C1GALT1: variants seen among roughly 807,000 people sequenced by gnomAD.
C1GALT1 encodes the protein glycoprotein-N-acetylgalactosamine 3-beta-galactosyltransferase 1.
A neutral mutation model predicts 31.0 loss-of-function variants in C1GALT1; 11 were observed. That is an observed-to-expected ratio of 0.36 (90% CI 0.22 to 0.59). The LOEUF is 0.59. Among genes scored for constraint, C1GALT1 ranks in the 20% least tolerant of loss-of-function variants. The pLI, the probability that C1GALT1 is intolerant of heterozygous loss-of-function variation, is 0.79. For synonymous variants in C1GALT1, 175 were observed against 143.6 expected (o/e 1.22, Z -1.56); for missense variants, 424 against 425.2 (o/e 1.00, Z 0.03).
intron 1 of C1GALT1, among the ~76,000 whole-genome samples, chr7:7,189,859 A>G (rs1366106395): frequency 6.6e-6 from 1 of 152,164 alleles, no homozygotes; most frequent in Non-Finnish European, 1.5e-5. Context: ...GTTACTAGAA[A>G]GTAAGGATCC....
intron 1 of C1GALT1, among the ~76,000 whole-genome samples, chr7:7,226,395 G>A (rs199926429): frequency 6.6e-6 from 1 of 151,792 alleles, no homozygotes; most frequent in African/African-American, 2.4e-5. Context: ...GAATTTCAGG[G>A]CTTTATTGTG....
intron 2 of C1GALT1, among the ~76,000 whole-genome samples, chr7:7,161,463 T>G (rs1016747618): frequency 1.3e-5 from 2 of 152,160 alleles, no homozygotes; most frequent in Non-Finnish European, 2.9e-5. Context: ...GAAGTACTTG[T>G]TAAAAAGATA....
At position 7,238,745 on chromosome 7, in the gene C1GALT1, C is replaced by A; in HGVS notation, c.711C>A (p.Ser237=). ...FKTDKCTHSS[S]IEDLALGRCM... is the part of the protein sequence containing the mutation. ...CAGACAAGTGTACACATAGTTCCTC[C>A]ATTGAAGACTTAGCACTGGGGAGAT... Residue 237 remains serine (S), a synonymous_variant, in exon 3 of 4, where the codon TCC becomes TCA. Coordinates refer to ENST00000436587, the MANE Select transcript of C1GALT1 (RefSeq NM_020156.5). The surrounding 1 kb of genome is among the most constrained non-coding windows in gnomAD (Gnocchi z 5.2). 6.2e-7 allele frequency: 1 copy of A among 1,613,794 alleles called. No homozygotes were observed. The highest frequency in any genetic ancestry group is 8.5e-7 in the Non-Finnish European group (1 of 1,179,902).
rs146598111 is a variant in C1GALT1, at chr7:7,184,967, C to A, written c.-18+2147C>A. ...CTTGTTCCATAAAATGAGAAGTTAG[C>A]CTTTTATCTTAAAATCTGGTTAGAG... On this transcript the variant is annotated intron_variant, in intron 1 of 3. Coordinates refer to ENST00000436587, the MANE Select transcript of C1GALT1 (RefSeq NM_020156.5). Among the ~76,000 whole-genome samples, 304 of 152,178 alleles carry A rather than the reference C, an allele frequency of 2.0e-3. 1 individual carries two copies. The highest frequency in any genetic ancestry group is 3.5e-3 in the Non-Finnish European group (238 of 68,002).
At chr7:7,204,267 T>C (rs1201585490) in intron 1 of C1GALT1, among the ~76,000 whole-genome samples, 1 of 152,028 alleles carries the variant, frequency 6.6e-6, no homozygotes, top group Non-Finnish European at 1.5e-5. Flanking sequence ...TGATATAGGA[T>C]TTTCAGATTT....
At chr7:7,221,484 C>G (rs1398065668) in intron 1 of C1GALT1, among the ~76,000 whole-genome samples, 1 of 150,730 alleles carries the variant, frequency 6.6e-6, no homozygotes, top group Non-Finnish European at 1.5e-5. Context: ...GACTGTTTGT[C>G]TTTTTCTTTC....
intron 1 of C1GALT1, among the ~76,000 whole-genome samples, chr7:7,202,539 G>C (rs930888864): frequency 4.6e-5 from 7 of 151,720 alleles, no homozygotes; most frequent in African/African-American, 1.7e-4. Flanking sequence ...ACCATAAAGT[G>C]AGATGCTTTT....
intron 1 of C1GALT1, among the ~76,000 whole-genome samples, chr7:7,188,033 G>A (rs1246507058): frequency 6.6e-6 from 1 of 152,128 alleles, no homozygotes; most frequent in Non-Finnish European, 1.5e-5. Flanking sequence ...AAGAGGGATA[G>A]CACTTGAGTC....
At chr7:7,194,435 G>A (rs1305230536) in intron 1 of C1GALT1, among the ~76,000 whole-genome samples, 2 of 152,130 alleles carry the variant, frequency 1.3e-5, no homozygotes, top group Non-Finnish European at 2.9e-5. Context: ...AGATGATTAT[G>A]TGATTTTTGT....
At chr7:7,227,255 G>A (rs1159452333) in intron 1 of C1GALT1, among the ~76,000 whole-genome samples, 1 of 152,084 alleles carries the variant, frequency 6.6e-6, no homozygotes, top group Non-Finnish European at 1.5e-5. Flanking sequence ...TTGAATATTT[G>A]TCCCCTCTAA....
chr7:7,212,642 G>A (rs1782059031), intron 1 of C1GALT1, among the ~76,000 whole-genome samples: 1 of 152,198 alleles, frequency 6.6e-6, no homozygotes, highest in African/African-American at 2.4e-5. Context: ...TTGAAGGATA[G>A]TGGGATTAGC....
intron 1 of C1GALT1, among the ~76,000 whole-genome samples, chr7:7,197,804 G>A (rs1317616789): frequency 1.3e-5 from 2 of 152,160 alleles, no homozygotes; most frequent in Non-Finnish European, 2.9e-5. Context: ...CTTTGAAGCA[G>A]TCGTGAATGG....
At chr7:7,165,935 A>ACAT (rs2128226862) in intron 2 of C1GALT1, among the ~76,000 whole-genome samples, 1 of 152,318 alleles carries the variant, frequency 6.6e-6, no homozygotes, top group South Asian at 2.1e-4. Context: ...TATGAAACAT[A>ACAT]CATTTCATGT....
intron 3 of C1GALT1, among the ~76,000 whole-genome samples, chr7:7,242,978 C>T (rs1349123083): frequency 6.6e-6 from 1 of 152,128 alleles, no homozygotes; most frequent in Non-Finnish European, 1.5e-5. Context: ...TACTAGCCCA[C>T]AAAATTTGGG....
intron 2 of C1GALT1, among the ~76,000 whole-genome samples, chr7:7,173,754 T>A (rs1374437261): frequency 6.6e-6 from 1 of 151,952 alleles, no homozygotes; most frequent in African/African-American, 2.4e-5. Flanking sequence ...ATACAAAAAA[T>A]TAGCTGGGCA....
intron 1 of C1GALT1, among the ~76,000 whole-genome samples, chr7:7,222,199 A>G (rs1782540950): frequency 6.6e-6 from 1 of 152,106 alleles, no homozygotes; most frequent in African/African-American, 2.4e-5. Flanking sequence ...CTTTAATTGG[A>G]GTGAAATCAG....
At chr7:7,243,386 C>T (rs2190935) in intron 3 of C1GALT1, 138 bp from the exon 4 acceptor site, 257,821 of 656,590 alleles carry the variant, frequency 0.39, 53,293 homozygotes, top group African/African-American at 0.55. Flanking sequence ...AGGTCTAGTA[C>T]ATTAGGTTCC....
chr7:7,221,950 G>C (rs945656588), intron 1 of C1GALT1, among the ~76,000 whole-genome samples: 2 of 152,172 alleles, frequency 1.3e-5, no homozygotes, highest in Non-Finnish European at 2.9e-5. Context: ...AGTAAACTCT[G>C]AGGTGTGACC....
chr7:7,181,276 A>AAAGGTGGAAGGATATTGCGGACAGGT (rs1780581538), upstream of C1GALT1, among the ~76,000 whole-genome samples: 1 of 152,068 alleles, frequency 6.6e-6, no homozygotes. Context: ...GTGGAGGGGG[A>AAAGGTGGAAGGATATTGCGGACAGGT]GGAGGCTGAG....
Sources: gnomAD v4.1 joint callset for allele counts (sites outside exome capture counted in the v4.1 genomes callset) on GRCh38, gnomAD v4.1.1 for gene constraint, Gnocchi (gnomAD v3.1) non-coding constraint, MANE v1.5 for transcripts, NCBI Gene and HGNC (gene_info 2026-07-23, HGNC 2026-07-21) for gene names.